KCNH1: variants seen among roughly 807,000 people sequenced by gnomAD.
KCNH1 encodes the protein potassium voltage-gated channel subfamily H member 1, also known as voltage-gated delayed rectifier potassium channel KCNH1.
In KCNH1, 27 loss-of-function variants were observed where a neutral mutation model predicts 69.2. The observed-to-expected ratio is 0.39, with a 90% CI of 0.29 to 0.54. The LOEUF is 0.54. Among genes scored for constraint, KCNH1 ranks in the 20% least tolerant of loss-of-function variants. The pLI is 0.68. For synonymous variants in KCNH1, 456 were observed against 487.7 expected, an observed-to-expected ratio of 0.93 and a Z score of 0.86; for missense variants, 798 against 1,261.6, an observed-to-expected ratio of 0.63 and a Z score of 5.57.
intron 5 of KCNH1, among the ~76,000 whole-genome samples, chr1:211,082,334 G>C (rs1006242079): frequency 5.3e-5 from 8 of 152,130 alleles, no homozygotes; most frequent in Non-Finnish European, 8.8e-5. Context: ...TATCTACAAA[G>C]AAACAAGTTA....
At chr1:211,063,321 G>C (rs910482455) in intron 5 of KCNH1, 1 of 152,176 alleles carries the variant, frequency 6.6e-6, no homozygotes, top group African/African-American at 2.4e-5. Flanking sequence ...GTGGTGGCAG[G>C]CTGGGTGGAA....
Position 210,775,487 on chromosome 1 carries a change from C to T in KCNH1, c.1973G>A (p.Cys658Tyr). The change falls in exon 10 of 11, where the codon TGT becomes TAT. Residue 658 changes from cysteine to tyrosine, a missense_variant. Physicochemically the swap from Cys to Tyr is radical, Grantham distance 194. Coordinates refer to ENST00000271751, the MANE Select transcript of KCNH1 (RefSeq NM_172362.3). ...GTAGGTCAAGGCCCTAACATTGGCA[C>T]AGGACTGGGCAAGGGTGGCTTCCTT... ...FWKEATLAQS[C>Y]ANVRALTYCD... 2 of 1,614,096 alleles carry T rather than the reference C, an allele frequency of 1.2e-6. No homozygotes were observed. The highest frequency in any genetic ancestry group is 1.7e-6 in the Non-Finnish European group (2 of 1,179,954).
intron 10 of KCNH1, among the ~76,000 whole-genome samples, chr1:210,729,525 T>C (rs148558071): frequency 1.2e-4 from 19 of 152,336 alleles, no homozygotes; most frequent in African/African-American, 4.1e-4. Flanking sequence ...AGAAAGCATA[T>C]TGAAACTCAA....
intron 7 of KCNH1, among the ~76,000 whole-genome samples, chr1:210,892,598 C>T (rs114016281): frequency 0.011 from 1,695 of 152,010 alleles, 39 homozygotes; most frequent in African/African-American, 0.039. Flanking sequence ...AATACTGAGT[C>T]AAAAAGTAAT....
At chr1:211,010,940 A>T (rs1356930001) in intron 6 of KCNH1, among the ~76,000 whole-genome samples, 1 of 152,128 alleles carries the variant, frequency 6.6e-6, no homozygotes, top group African/African-American at 2.4e-5. Context: ...GGAGTCAGAC[A>T]CAGCAGCTGA....
chr1:211,130,341 A>C (rs1318213188), intron 1 of KCNH1, among the ~76,000 whole-genome samples: 2 of 152,238 alleles, frequency 1.3e-5, no homozygotes, highest in African/African-American at 2.4e-5. Flanking sequence ...GAAAGTTAAA[A>C]GTCGGTTTTA....
intron 5 of KCNH1, among the ~76,000 whole-genome samples, chr1:211,055,301 C>T (rs1690284830): frequency 6.6e-6 from 1 of 152,180 alleles, no homozygotes; most frequent in Non-Finnish European, 1.5e-5. Flanking sequence ...GAACACAGTG[C>T]TGCCCTGTCA....
Position 210,950,216 on chromosome 1 carries a change from C to CT in KCNH1, c.1033-30148dup, listed in dbSNP as rs925247382. On this transcript the variant is annotated intron_variant, in intron 6 of 10. Coordinates refer to ENST00000271751, the MANE Select transcript of KCNH1 (RefSeq NM_172362.3). ...TCACTTCACTTCTCAGTTTAGATTT[C>CT]TTTTTTTTTTTTTTAATTATACTTT... is the stretch of plus-strand genomic sequence containing the variant. 7.2e-3 allele frequency among the ~76,000 whole-genome samples: 1,018 copies of CT among 142,368 alleles called. 7 individuals are homozygous for CT. The highest frequency in any genetic ancestry group is 0.019 in the African/African-American group (762 of 39,152). The allele number at this position is 142,368 out of a possible 152,430, so 93.4% of individuals were successfully genotyped here.
chr1:210,884,873 G>A (rs946539051), intron 7 of KCNH1, among the ~76,000 whole-genome samples: 1 of 152,214 alleles, frequency 6.6e-6, no homozygotes, highest in African/African-American at 2.4e-5. Context: ...GGAGACACCA[G>A]GCAGAGAGAA....
chr1:210,934,413 G>T (rs550460916), intron 6 of KCNH1, among the ~76,000 whole-genome samples: 18 of 152,294 alleles, frequency 1.2e-4, no homozygotes, highest in Non-Finnish European at 2.1e-4. Context: ...CCAGCACTTT[G>T]TGGGGCCAAG....
intron 10 of KCNH1, among the ~76,000 whole-genome samples, chr1:210,761,715 C>A (rs1433400561): frequency 1.3e-5 from 2 of 152,112 alleles, no homozygotes; most frequent in Non-Finnish European, 2.9e-5. Context: ...AATATATATA[C>A]AATTAAAATT....
chr1:210,895,029 A>C (rs1384291440), intron 7 of KCNH1, among the ~76,000 whole-genome samples: 1 of 152,198 alleles, frequency 6.6e-6, no homozygotes, highest in Non-Finnish European at 1.5e-5. Context: ...AAGGCAGTAA[A>C]CTGGGGTAAT....
intron 5 of KCNH1, among the ~76,000 whole-genome samples, chr1:211,044,359 T>A (rs1442115396): frequency 6.6e-6 from 1 of 152,084 alleles, no homozygotes; most frequent in African/African-American, 2.4e-5. Flanking sequence ...AGGCAAGGAT[T>A]TCATGACCAA....
intron 6 of KCNH1, among the ~76,000 whole-genome samples, chr1:210,930,597 G>A (rs751962519): frequency 1.3e-5 from 2 of 151,970 alleles, no homozygotes; most frequent in Non-Finnish European, 2.9e-5. Flanking sequence ...GATAACATTG[G>A]AAAAAACCCT....
chr1:210,820,583 G>A lies in KCNH1; in HGVS notation c.1463-16417C>T, dbSNP rs140409334. Among the ~76,000 whole-genome samples the A allele has an allele frequency of 2.0e-3, 298 of 152,228 alleles. 4 individuals carry two copies. In the South Asian group the frequency reaches 0.032, roughly 16 times the overall value. On this transcript the variant is annotated intron_variant, in intron 7 of 10. Transcript: ENST00000271751. ...CAGGAGGCAGAGGTTGCAGTGAGCC[G>A]AGATCATGTCACTACACTCCAGCCT...
intron 4 of KCNH1, among the ~76,000 whole-genome samples, chr1:211,086,541 T>G (rs1351431352): frequency 1.3e-5 from 2 of 151,782 alleles, no homozygotes; most frequent in Non-Finnish European, 2.9e-5. Flanking sequence ...AGGAAGAGTA[T>G]AGAGAGAAAA....
intron 10 of KCNH1, among the ~76,000 whole-genome samples, chr1:210,745,864 G>A (rs938970706): frequency 6.6e-6 from 1 of 152,192 alleles, no homozygotes; most frequent in African/African-American, 2.4e-5. Flanking sequence ...CTGGGAGAAG[G>A]ACCCAGGCCT....
intron 3 of KCNH1, among the ~76,000 whole-genome samples, chr1:211,097,462 A>C (rs1047431864): frequency 2.0e-5 from 3 of 152,230 alleles, no homozygotes; most frequent in Admixed American, 2.0e-4. Flanking sequence ...AAAAAGTTAA[A>C]AGAAAAAATG....
intron 10 of KCNH1, among the ~76,000 whole-genome samples, chr1:210,753,427 A>G (rs1432462762): frequency 6.6e-6 from 1 of 152,236 alleles, no homozygotes; most frequent in African/African-American, 2.4e-5. Context: ...GATGCCACTG[A>G]CAGCCTAAGA....
Sources: allele counts gnomAD v4.1 joint callset (sites outside exome capture counted in the v4.1 genomes callset), GRCh38; gene constraint gnomAD v4.1.1; transcripts MANE v1.5; gene names NCBI Gene and HGNC (gene_info 2026-07-23, HGNC 2026-07-21).